CEP44: variants seen among roughly 807,000 people sequenced by gnomAD.
CEP44 encodes centrosomal protein 44.
CEP44 carries 45 observed loss-of-function variants against 46.7 expected under a neutral mutation model. The ratio of observed to expected loss-of-function variants is 0.96; its 90% CI spans 0.76 to 1.24. CEP44 has a LOEUF of 1.24. Ranked by LOEUF, CEP44 falls within the 50% of genes most tolerant of loss-of-function variation. CEP44 has a pLI of 0.00. For synonymous variants in CEP44, 142 were observed against 146.0 expected (o/e 0.97, Z 0.20); for missense variants, 475 against 459.7 (o/e 1.03, Z -0.30).
chr4:174,283,706 G>T (rs1737211641), upstream of CEP44: 1 of 396,168 alleles, frequency 2.5e-6, no homozygotes, highest in East Asian at 3.6e-5. This position sits in a 1 kb window ranked among gnomAD's most constrained non-coding sequence, Gnocchi z 6.7. Context: ...TAACGGAGAC[G>T]CATTTTTATT....
downstream of CEP44, among the ~76,000 whole-genome samples, chr4:174,324,735 ACCAGACACTTACC>A (rs1434437851): frequency 6.6e-6 from 1 of 152,124 alleles, no homozygotes; most frequent in South Asian, 2.1e-4. Flanking sequence ...TAACAGAGGG[ACCAGACACTTACC>A]CCTGAGTAGC....
intron 8 of CEP44, among the ~76,000 whole-genome samples, chr4:174,328,674 T>A (rs145867115): frequency 1.5e-3 from 230 of 152,290 alleles, no homozygotes; most frequent in Non-Finnish European, 2.7e-3. Context: ...CTTATTTCTT[T>A]CATTTTTTTT....
At chr4:174,296,259 C>T (rs939054129) in intron 1 of CEP44, among the ~76,000 whole-genome samples, 4 of 152,136 alleles carry the variant, frequency 2.6e-5, no homozygotes, top group Non-Finnish European at 4.4e-5. Context: ...AGTGATATAT[C>T]TTGGTGTGAG....
chr4:174,329,455 A>G lies in CEP44; in HGVS notation c.1087-2027A>G, dbSNP rs2126706017. Among the ~76,000 whole-genome samples, 1 of 152,330 alleles carries G rather than the reference A, an allele frequency of 6.6e-6. No homozygotes were observed. The highest frequency in any genetic ancestry group is 1.9e-4 in the East Asian group (1 of 5,186). On this transcript the variant is annotated intron_variant, in intron 8 of 8. Transcript: ENST00000426172. The surrounding 1 kb of genome is among the most constrained non-coding windows in gnomAD (Gnocchi z 4.0). ...AGTTGGTTTTACATTGTAAATGTTA[A>G]GGAAACGTGTTTAAATTGTTTTGAT...
chr4:174,296,314 T>C (rs1183219149), intron 1 of CEP44, among the ~76,000 whole-genome samples: 1 of 152,222 alleles, frequency 6.6e-6, no homozygotes, highest in African/African-American at 2.4e-5. Flanking sequence ...GTTCTTTCAA[T>C]CTAGAGAATC....
chr4:174,299,785 C>G (rs1427948930), intron 3 of CEP44, among the ~76,000 whole-genome samples: 3 of 152,172 alleles, frequency 2.0e-5, no homozygotes, highest in African/African-American at 7.2e-5. Context: ...CTTTAGCTCC[C>G]ATTTTGCAAC....
downstream of CEP44, among the ~76,000 whole-genome samples, chr4:174,321,887 AAG>A (rs1420769728): frequency 4.6e-5 from 7 of 152,170 alleles, no homozygotes; most frequent in African/African-American, 7.2e-5. Context: ...ATTAGGTGCA[AAG>A]AGAGCGAGAG....
Position 174,299,333 on chromosome 4 carries a change from A to G in CEP44, c.89+123A>G, listed in dbSNP as rs867254400. 229 of 651,218 alleles carry G rather than the reference A, an allele frequency of 3.5e-4. 1 individual carries two copies. The Middle Eastern group carries it at 4.5e-3, about 13-fold the overall frequency. The allele number at this position is 651,218 out of a possible 1,614,324, so 40.3% of individuals were successfully genotyped here. ...GGTTCCTATTTAAATCTGCCTTGAA[A>G]TGATTAAAATATTTGAGAAAGCAGG... On this transcript the variant is annotated intron_variant, in intron 3 of 11. Coordinates refer to ENST00000503780, the MANE Select transcript of CEP44 (RefSeq NM_001040157.3).
chr4:174,303,792 T>C lies in CEP44; in HGVS notation c.327T>C (p.Val109=). ...CGFAEWKIQI[V]CDILNCVMKK... ...TTGCAGAATGGAAAATCCAAATTGTTTGTGATATTTTGAATTGTGTGATGA... is the reference window on the plus strand; with the variant it reads ...TTGCAGAATGGAAAATCCAAATTGTCTGTGATATTTTGAATTGTGTGATGA... Residue 109 remains valine, a synonymous_variant, in exon 5 of 12, where the codon GTT becomes GTC. Coordinates refer to ENST00000503780, the MANE Select transcript of CEP44 (RefSeq NM_001040157.3). 6.3e-7 allele frequency: 1 copy of C among 1,576,558 alleles called. No homozygotes were observed.
chr4:174,295,462 G>C (rs1232709188), intron 1 of CEP44, among the ~76,000 whole-genome samples: 1 of 151,426 alleles, frequency 6.6e-6, no homozygotes, highest in African/African-American at 2.4e-5. Flanking sequence ...TCACTTCCTA[G>C]ATGGGATGGC....
At chr4:174,285,124 A>G (rs1295666106) in intron 1 of CEP44, among the ~76,000 whole-genome samples, 1 of 152,230 alleles carries the variant, frequency 6.6e-6, no homozygotes, top group Non-Finnish European at 1.5e-5. Context: ...GAGCTTCTTT[A>G]TTATTGAATC....
chr4:174,308,688 G>A lies in CEP44; in HGVS notation c.508-1G>A, dbSNP rs1413246020. ...TTTCTTACATATTTTTCTCTATGCA[G>A]AAGAAAGCTGTGGTGATTCGTCACT... On this transcript the variant is annotated splice_acceptor_variant, in intron 6 of 11. Coordinates refer to ENST00000503780, the MANE Select transcript of CEP44 (RefSeq NM_001040157.3). LOFTEE classifies it high-confidence loss of function. 6.3e-7 allele frequency: 1 copy of A among 1,597,058 alleles called. No homozygotes were observed. Among genetic ancestry groups the A allele is most frequent in the East Asian group, 2.2e-5 (1 of 44,538 alleles).
intron 1 of CEP44, among the ~76,000 whole-genome samples, chr4:174,292,890 A>T (rs1448710127): frequency 1.3e-5 from 2 of 152,176 alleles, no homozygotes; most frequent in Non-Finnish European, 2.9e-5. Flanking sequence ...ATCTTGTTAT[A>T]GTCAGTTTCT....
In CEP44 at chr4:174,331,548, T is replaced by C. The variant is rs1731321004; in HGVS notation, c.1153T>C (p.Ser385Pro). The change falls in exon 9 of 9, where the codon TCA (serine) becomes CCA (proline). Residue 385 changes from serine (S) to proline (P), a missense_variant. Ser to Pro is a moderately conservative substitution (Grantham distance 74). Transcript: ENST00000426172. This position sits in a 1 kb window ranked among gnomAD's most constrained non-coding sequence, Gnocchi z 4.5. ...CAGCTGGCTGCTCCGTGGGCATACTTCATACCTTTCATCACAGAGCTTTGC... is the reference window on the plus strand; with the variant it reads ...CAGCTGGCTGCTCCGTGGGCATACTCCATACCTTTCATCACAGAGCTTTGC... The C allele has an allele frequency of 1.3e-6, 2 of 1,551,610 alleles. No individual in the cohort carries two copies. Among genetic ancestry groups the C allele is most frequent in the Middle Eastern group, 1.7e-4 (1 of 5,992 alleles).
Position 174,331,675 on chromosome 4 carries a change from A to G in CEP44, c.*80A>G. 6.8e-7 allele frequency: 1 copy of G among 1,476,642 alleles called. No individual in the cohort carries two copies. The allele number at this position is 1,476,642 out of a possible 1,614,324, so 91.5% of individuals were successfully genotyped here. ...GTGAAGCTCATCCACGAAGTCCAGA[A>G]TTCTGCCTGGAAACCAGCTTCCTCC... On this transcript the variant is annotated 3_prime_UTR_variant, in exon 9 of 9. Transcript: ENST00000426172. The surrounding 1 kb of genome is among the most constrained non-coding windows in gnomAD (Gnocchi z 4.5).
chr4:174,321,326 A>T (rs534240852), downstream of CEP44, among the ~76,000 whole-genome samples: 76 of 152,264 alleles, frequency 5.0e-4, no homozygotes, highest in Middle Eastern at 0.01. Flanking sequence ...TGCAATTCAC[A>T]TTTAGTATCT....
intron 5 of CEP44, 101 bp downstream of exon 5, chr4:174,303,950 A>C (rs961235793): frequency 1.2e-6 from 1 of 805,462 alleles, no homozygotes; most frequent in Non-Finnish European, 1.9e-6. Context: ...ATTATTTCAT[A>C]GTGTAATTAC....
At chr4:174,304,554 A>T (rs977330434) in intron 6 of CEP44, among the ~76,000 whole-genome samples, 185 bp downstream of exon 6, 4 of 152,250 alleles carry the variant, frequency 2.6e-5, no homozygotes, top group African/African-American at 9.6e-5. Flanking sequence ...ATAGGATAGA[A>T]ATATAAAATT....
chr4:174,330,610 A>G (rs1272321826), intron 8 of CEP44, among the ~76,000 whole-genome samples: 1 of 152,196 alleles, frequency 6.6e-6, no homozygotes, highest in Admixed American at 6.5e-5. Context: ...ATAACTACAA[A>G]ATATTCTTTC....
Sources: allele counts gnomAD v4.1 joint callset (sites outside exome capture counted in the v4.1 genomes callset), GRCh38; gene constraint gnomAD v4.1.1; non-coding constraint Gnocchi (gnomAD v3.1); transcripts MANE v1.5; gene names NCBI Gene and HGNC (gene_info 2026-07-23, HGNC 2026-07-21).